Variants in B4GALNT2 observed in about 807,000 individuals in gnomAD.
B4GALNT2 encodes N-acetylneuraminylgalactosylglucosyl-glucoside beta-1,4-N- acetylgalactosaminyltransferase 2.
In B4GALNT2, 42 loss-of-function variants were observed where a neutral mutation model predicts 51.1. The observed-to-expected ratio is 0.82, with a 90% CI of 0.64 to 1.06. The LOEUF is 1.06. Ranked by LOEUF, B4GALNT2 falls within the 50% of genes least tolerant of loss-of-function variation. B4GALNT2 has a pLI of 0.00. For synonymous variants in B4GALNT2, 253 were observed against 251.7 expected, an observed-to-expected ratio of 1.01 and a Z score of -0.05; for missense variants, 602 against 633.6, an observed-to-expected ratio of 0.95 and a Z score of 0.54.
At position 49,169,638 on chromosome 17, in the gene B4GALNT2, C is replaced by A. The variant is rs2042943705; in HGVS notation, c.1431C>A (p.Thr477=). 1 of 1,613,112 alleles carries A rather than the reference C, an allele frequency of 6.2e-7. No individual in the cohort carries two copies. The highest frequency in any genetic ancestry group is 1.1e-5 in the South Asian group (1 of 90,968). The change falls in exon 11 of 11, where the codon ACC becomes ACA. Residue 477 remains threonine (T), a synonymous_variant. Transcript: ENST00000393354. ...CAGAACTGGCTGCCCTAGAGAAGAC[C>A]TACAATACATACCGGTCCAACACCC... is the stretch of plus-strand genomic sequence containing the variant. ...VDSELAALEK[T]YNTYRSNTLT...
intron 7 of B4GALNT2, among the ~76,000 whole-genome samples, chr17:49,161,219 G>A (rs1006527749): frequency 6.6e-6 from 1 of 150,436 alleles, no homozygotes; most frequent in Non-Finnish European, 1.5e-5. Flanking sequence ...AGGTTTCAGT[G>A]AGCCAAGATT....
intron 3 of B4GALNT2, among the ~76,000 whole-genome samples, chr17:49,144,264 T>A (rs939493983): frequency 6.6e-6 from 1 of 152,174 alleles, no homozygotes; most frequent in Non-Finnish European, 1.5e-5. Flanking sequence ...CATATGAATT[T>A]GGGAATTAAG....
In B4GALNT2 at chr17:49,141,413, C is replaced by T. The variant is rs762429913; in HGVS notation, c.181C>T (p.Arg61Cys). The part of the protein sequence containing the change: ...VQKLKLLPEE[R>C]LRNLFSYDGI... ...GAAGCTGAAGCTTCTGCCTGAGGAACGTCTCAGGAACCTCTTTTCCTACGA... is the reference window on the plus strand; with the variant it reads ...GAAGCTGAAGCTTCTGCCTGAGGAATGTCTCAGGAACCTCTTTTCCTACGA... The change falls in exon 2 of 11, where the codon CGT becomes TGT. Residue 61 changes from arginine to cysteine, a missense_variant. Transcript: ENST00000393354. 1.9e-5 allele frequency: 30 copies of T among 1,614,022 alleles called. No individual in the cohort carries two copies. Among genetic ancestry groups the T allele is most frequent in the African/African-American group, 8.0e-5 (6 of 74,914 alleles).
intron 3 of B4GALNT2, among the ~76,000 whole-genome samples, chr17:49,147,702 C>G (rs1342021213): frequency 6.6e-6 from 1 of 151,994 alleles, no homozygotes; most frequent in African/African-American, 2.4e-5. Context: ...AACCCACTCC[C>G]CTGACCACTA....
chr17:49,162,044 G>A (rs2042869858), intron 7 of B4GALNT2, among the ~76,000 whole-genome samples: 1 of 151,592 alleles, frequency 6.6e-6, no homozygotes, highest in Non-Finnish European at 1.5e-5. Context: ...CTGGAGTGCA[G>A]TGGCACGATC....
rs138230946 is a variant in B4GALNT2, at chr17:49,160,628, C to T, written c.753C>T (p.Tyr251=). ...TIRHPVIPKL[Y]DPGPERKLRN... is the part of the protein sequence containing the mutation. ...GCCATCCTGTCATACCCAAGCTATA[C>T]GACCCTGGACCAGGTAAGGCCCTTG... Residue 251 remains tyrosine (Y), a synonymous_variant, in exon 7 of 11, where the codon TAC becomes TAT. Transcript: ENST00000393354. 554 of 1,614,052 alleles carry T rather than the reference C, an allele frequency of 3.4e-4. 3 individuals carry two copies. Among genetic ancestry groups the T allele is most frequent in the Non-Finnish European group, 4.5e-4 (527 of 1,179,946 alleles).
the B4GALNT2 span, among the ~76,000 whole-genome samples, chr17:49,120,480 GTGTC>G: frequency 0.015 from 1,311 of 89,786 alleles, 5 homozygotes; most frequent in Non-Finnish European, 0.02. Context: ...GTGTGTGTGT[GTGTC>G]TGTGTGTGTG....
In B4GALNT2 at chr17:49,156,591, C is replaced by T. The variant is rs762075860; in HGVS notation, c.486C>T (p.Ala162=). The T allele has an allele frequency of 6.2e-7, 1 of 1,613,766 alleles. No homozygotes were observed. Among genetic ancestry groups the T allele is most frequent in the Non-Finnish European group, 8.5e-7 (1 of 1,179,918 alleles). Residue 162 remains alanine (A), a synonymous_variant, in exon 5 of 11, where the codon GCC becomes GCT. Coordinates refer to ENST00000393354, the MANE Select transcript of B4GALNT2 (RefSeq NM_001159387.2). ...IPGLQFEGPD[A]PVYEVTLTAS... is the part of the protein sequence containing the mutation. ...GCCTCCAGTTTGAAGGACCCGATGC[C>T]CCCGTCTATGAGGTGAGTCCTTCTC...
At chr17:49,120,740 G>C in the B4GALNT2 span, among the ~76,000 whole-genome samples, 77,545 of 151,264 alleles carry the variant, frequency 0.51, 20,202 homozygotes, top group Middle Eastern at 0.63. Context: ...AAATTCCTGG[G>C]TTCAAGTGAT....
At chr17:49,133,002 G>A (rs1016121568) in intron 1 of B4GALNT2, 196 bp downstream of exon 1, 8 of 1,455,616 alleles carry the variant, frequency 5.5e-6, no homozygotes, top group Non-Finnish European at 5.4e-6. Context: ...CGGCGCGTGC[G>A]GAACGAACTC....
chr17:49,146,826 G>T (rs945415290), intron 3 of B4GALNT2, among the ~76,000 whole-genome samples: 3 of 152,164 alleles, frequency 2.0e-5, no homozygotes, highest in Admixed American at 6.5e-5. Context: ...CCCTTAGACT[G>T]GTACTTCTAA....
the B4GALNT2 span, among the ~76,000 whole-genome samples, chr17:49,123,882 G>A: frequency 6.6e-6 from 1 of 152,220 alleles, no homozygotes; most frequent in Admixed American, 6.5e-5. Context: ...TTAAAGGAAA[G>A]CACACCATTC....
rs763388937 is a variant in B4GALNT2, at chr17:49,171,506, A to G, written c.*1778A>G. 19 of 395,320 alleles carry G rather than the reference A, an allele frequency of 4.8e-5. No individual in the cohort carries two copies. Among genetic ancestry groups the G allele is most frequent in the Non-Finnish European group, 8.2e-5 (17 of 206,830 alleles). The allele number at this position is 395,320 out of a possible 1,614,324, so 24.5% of individuals were successfully genotyped here. A position where few individuals can be genotyped will look rare whatever the true frequency, so the allele number is the denominator to read the frequency against. On this transcript the variant is annotated 3_prime_UTR_variant, in exon 11 of 11. Transcript: ENST00000393354. Reference sequence around the variant, plus strand: ...TTATTCTTTCCCAAATTTTGATCTTATTAACAGACATTAATAGTTTCCACA... The same window carrying G: ...TTATTCTTTCCCAAATTTTGATCTTGTTAACAGACATTAATAGTTTCCACA...
Position 49,156,418 on chromosome 17 carries a change from G to A in B4GALNT2, c.461-148G>A. ...CCACTTAACAGAGCCCTGGGGAGAG[G>A]CGCACGTGTCAGCAAACACTCTGGG... On this transcript the variant is annotated intron_variant, in intron 4 of 10. Transcript: ENST00000393354. 5.2e-6 allele frequency: 4 copies of A among 761,986 alleles called. No individual in the cohort carries two copies. In the South Asian group the frequency reaches 7.2e-5, roughly 14 times the overall value. 47.2% of individuals were successfully genotyped at this position (761,986 alleles called of 1,614,324 possible).
chr17:49,144,770 G>C (rs548835218), intron 3 of B4GALNT2, among the ~76,000 whole-genome samples: 8 of 152,058 alleles, frequency 5.3e-5, no homozygotes, highest in South Asian at 2.1e-4. Context: ...GAACTAACAG[G>C]GGGGAGAGAG....
Position 49,160,598 on chromosome 17 carries a change from C to T in B4GALNT2, c.723C>T (p.Thr241=). The change falls in exon 7 of 11, where the codon ACC becomes ACT. Residue 241 remains threonine (T), a synonymous_variant. Transcript: ENST00000393354. ...CCTCAGTGGCCAAGTTTCCAGTGACCATCCGCCATCCTGTCATACCCAAGC... is the reference window on the plus strand; with the variant it reads ...CCTCAGTGGCCAAGTTTCCAGTGACTATCCGCCATCCTGTCATACCCAAGC... ...SRSSVAKFPV[T]IRHPVIPKLY... is the part of the protein sequence containing the mutation. 1 of 1,614,090 alleles carries T rather than the reference C, an allele frequency of 6.2e-7. No homozygotes were observed. Among genetic ancestry groups the T allele is most frequent in the Non-Finnish European group, 8.5e-7 (1 of 1,180,018 alleles).
chr17:49,134,731 G>T (rs2042574994), intron 1 of B4GALNT2, among the ~76,000 whole-genome samples: 1 of 152,054 alleles, frequency 6.6e-6, no homozygotes, highest in South Asian at 2.1e-4. Flanking sequence ...GAAATTACAG[G>T]CGCACGCCAC....
intron 1 of B4GALNT2, among the ~76,000 whole-genome samples, chr17:49,139,501 C>A (rs1479579975): frequency 1.3e-5 from 2 of 152,154 alleles, no homozygotes; most frequent in Non-Finnish European, 2.9e-5. Context: ...GCTGGGATTA[C>A]AGGCGTGAGA....
chr17:49,154,747 G>T (rs2042791658), intron 4 of B4GALNT2, among the ~76,000 whole-genome samples: 1 of 151,962 alleles, frequency 6.6e-6, no homozygotes, highest in South Asian at 2.1e-4. Context: ...GGGGATGCAG[G>T]ACATCAACAG....
Sources: gnomAD v4.1 joint callset for allele counts (sites outside exome capture counted in the v4.1 genomes callset) on GRCh38, gnomAD v4.1.1 for gene constraint, MANE v1.5 for transcripts, NCBI Gene and HGNC (gene_info 2026-07-23, HGNC 2026-07-21) for gene names.